The following ARMC6 variants were observed in gnomAD, a reference collection of about 807,000 sequenced individuals.
The protein encoded by ARMC6 is armadillo repeat containing 6, also known as armadillo repeat-containing protein 6.
Under a neutral mutation model 49.2 loss-of-function variants are expected in ARMC6, and 43 were observed. The observed-to-expected ratio is 0.87, with a 90% CI of 0.69 to 1.13. The LOEUF (loss-of-function observed/expected upper bound fraction) is 1.13, where lower values mean the gene tolerates loss of function less well. Among genes scored for constraint, ARMC6 ranks in the 50% most tolerant of loss-of-function variants. ARMC6 has a pLI of 0.00. For missense variants in ARMC6, 627 were observed against 682.0 expected, an observed-to-expected ratio of 0.92 and a Z score of 0.90; for synonymous variants, 262 against 289.6, an observed-to-expected ratio of 0.90 and a Z score of 0.97.
At chr19:19,050,546 A>G (rs1250517972) in intron 4 of ARMC6, among the ~76,000 whole-genome samples, 2 of 152,148 alleles carry the variant, frequency 1.3e-5, no homozygotes, top group African/African-American at 4.8e-5. Flanking sequence ...ATTTTTCCTA[A>G]TGATTAGTGA....
At chr19:19,040,317 G>A (rs1160606382) in intron 2 of ARMC6, among the ~76,000 whole-genome samples, 2 of 152,112 alleles carry the variant, frequency 1.3e-5, no homozygotes, top group African/African-American at 4.8e-5. Flanking sequence ...ATCATTATCT[G>A]TTTCTCTCCT....
At position 19,042,709 on chromosome 19, in the gene ARMC6, A is replaced by C; in HGVS notation, c.30-2A>C. 2 of 1,612,514 alleles carry C rather than the reference A, an allele frequency of 1.2e-6. No individual in the cohort carries two copies. Among genetic ancestry groups the C allele is most frequent in the Non-Finnish European group, 1.7e-6 (2 of 1,179,992 alleles). ...AGCTCTCTCTTTGCCCTAACCTCTCAGCTCAGGAGCATCTATCGGCTGCAC... is the reference window on the plus strand; with the variant it reads ...AGCTCTCTCTTTGCCCTAACCTCTCCGCTCAGGAGCATCTATCGGCTGCAC... On this transcript the variant is annotated splice_acceptor_variant, in intron 2 of 8. Transcript: ENST00000535612. LOFTEE classifies it high-confidence loss of function.
At chr19:19,050,934 A>G (rs980037336) in intron 4 of ARMC6, among the ~76,000 whole-genome samples, 1 of 152,246 alleles carries the variant, frequency 6.6e-6, no homozygotes, top group Non-Finnish European at 1.5e-5. Flanking sequence ...GAGGTCATGT[A>G]GTTGAATGGC....
intron 5 of ARMC6, among the ~76,000 whole-genome samples, chr19:19,053,514 A>G (rs577157908): frequency 3.9e-5 from 6 of 152,190 alleles, no homozygotes; most frequent in African/African-American, 1.2e-4. Context: ...TAATAATAAT[A>G]ATAGATAGCT....
intron 5 of ARMC6, among the ~76,000 whole-genome samples, chr19:19,053,924 TG>T (rs1455161181): frequency 6.6e-6 from 1 of 151,844 alleles, no homozygotes; most frequent in East Asian, 1.9e-4. Context: ...TGGGGCATGA[TG>T]GAAGGAAGCG....
intron 2 of ARMC6, among the ~76,000 whole-genome samples, chr19:19,038,726 C>T (rs1044446590): frequency 6.6e-6 from 1 of 151,846 alleles, no homozygotes; most frequent in African/African-American, 2.4e-5. Flanking sequence ...TACAGGCGCC[C>T]CACTAATTTT....
chr19:19,039,578 A>G (rs1053236679), intron 2 of ARMC6, among the ~76,000 whole-genome samples: 2 of 152,136 alleles, frequency 1.3e-5, no homozygotes, highest in East Asian at 1.9e-4. Flanking sequence ...GGCAACACCC[A>G]GTCTGCTTTT....
chr19:19,044,019 C>G lies in ARMC6; in HGVS notation c.224C>G (p.Thr75Arg), dbSNP rs768188157. Reference sequence around the variant, plus strand: ...GTTGATCTGAGCAACATTGTAAAGACGGCACCTAAAGTCTCTGCAGACGGA... The same window carrying G: ...GTTGATCTGAGCAACATTGTAAAGAGGGCACCTAAAGTCTCTGCAGACGGA... ...QGVDLSNIVK[T>R]APKVSADGSQ... The change falls in exon 4 of 9, where the codon ACG becomes AGG. Residue 75 changes from threonine (T) to arginine (R), a missense_variant. Coordinates refer to ENST00000535612, the MANE Select transcript of ARMC6 (RefSeq NM_001199196.2). The G allele has an allele frequency of 6.2e-7, 1 of 1,614,138 alleles. No homozygotes were observed. Among genetic ancestry groups the G allele is most frequent in the Admixed American group, 1.7e-5 (1 of 60,024 alleles).
chr19:19,056,263 G>GGT (rs2059543702), intron 8 of ARMC6, among the ~76,000 whole-genome samples: 1 of 134,574 alleles, frequency 7.4e-6, no homozygotes, highest in Non-Finnish European at 1.6e-5. Context: ...CCTTCTGTGG[G>GGT]TTTTTTTTTT....
chr19:19,034,395 G>A (rs1244872467), intron 2 of ARMC6, among the ~76,000 whole-genome samples, 157 bp downstream of exon 2: 1 of 152,146 alleles, frequency 6.6e-6, no homozygotes, highest in African/African-American at 2.4e-5. Flanking sequence ...GTGCGGATAA[G>A]GAGGCTGGGT....
intron 5 of ARMC6, among the ~76,000 whole-genome samples, chr19:19,053,018 G>A (rs1423332904): frequency 6.6e-6 from 1 of 152,220 alleles, no homozygotes; most frequent in Non-Finnish European, 1.5e-5. Flanking sequence ...ATGTATATAT[G>A]AAGAGACTTT....
chr19:19,034,249 G>A lies in ARMC6; in HGVS notation c.29+11G>A. On this transcript the variant is annotated intron_variant, in intron 2 of 8. Coordinates refer to ENST00000535612, the MANE Select transcript of ARMC6 (RefSeq NM_001199196.2). ...TTGCTCTAGATACAGGTAATGGTGT[G>A]CAAATAATAACAGAGTGATGGGACG... 6.3e-7 allele frequency: 1 copy of A among 1,593,640 alleles called. No individual in the cohort carries two copies. The highest frequency in any genetic ancestry group is 2.2e-5 in the East Asian group (1 of 44,810).
Position 19,055,191 on chromosome 19 carries a change from C to G in ARMC6, c.1024-74C>G. On this transcript the variant is annotated intron_variant, in intron 6 of 8. Coordinates refer to ENST00000535612, the MANE Select transcript of ARMC6 (RefSeq NM_001199196.2). This position sits in a 1 kb window ranked among gnomAD's most constrained non-coding sequence, Gnocchi z 5.7. ...CTGTTGGTCAAACAGCAAAACAGCC[C>G]CACATTCTCCCTCAGAGCCCTCTCC... 6.7e-7 allele frequency: 1 copy of G among 1,501,662 alleles called. No individual in the cohort carries two copies. Among genetic ancestry groups the G allele is most frequent in the Non-Finnish European group, 8.9e-7 (1 of 1,127,776 alleles). 93.0% of individuals were successfully genotyped at this position (1,501,662 alleles called of 1,614,324 possible).
At chr19:19,035,850 T>G (rs1447625274) in intron 2 of ARMC6, among the ~76,000 whole-genome samples, 2 of 152,140 alleles carry the variant, frequency 1.3e-5, no homozygotes, top group Non-Finnish European at 2.9e-5. Flanking sequence ...CCCAAGGTGG[T>G]TGGGGCACAG....
rs539294339 is a variant in ARMC6, at chr19:19,037,196, A to C, written c.29+2958A>C. Among the ~76,000 whole-genome samples, 4 of 151,686 alleles carry C rather than the reference A, an allele frequency of 2.6e-5. No individual in the cohort carries two copies. The East Asian group carries it at 7.7e-4, about 29-fold the overall frequency. On this transcript the variant is annotated intron_variant, in intron 2 of 8. Transcript: ENST00000535612. ...CGAGACTCTGTCTCAAAAAAAAAAG[A>C]AAAGGGCATTGAAGTGGAGGGCATG...
At position 19,037,893 on chromosome 19, in the gene ARMC6, A is replaced by G. The variant is rs561937536; in HGVS notation, c.29+3655A>G. On this transcript the variant is annotated intron_variant, in intron 2 of 8. Transcript: ENST00000535612. ...TCCCCAATTCCTGGGTCACAGACCC[A>G]TACTGGTCCAGTGGTCCCTGGCCTG... Among the ~76,000 whole-genome samples the G allele has an allele frequency of 7.9e-5, 12 of 152,312 alleles. No homozygotes were observed. The South Asian group carries it at 1.4e-3, about 18-fold the overall frequency.
rs1599654322 is a variant in ARMC6, at chr19:19,057,926, A to G, written c.*298A>G. ...CCAGAGGGGGCAAAGGGCACGTCCC[A>G]TCACTCACTGCCCTGTCTGAAATGT... On this transcript the variant is annotated 3_prime_UTR_variant, in exon 9 of 9. Transcript: ENST00000535612. 8.1e-6 allele frequency: 4 copies of G among 492,442 alleles called. No individual in the cohort carries two copies. Among genetic ancestry groups the G allele is most frequent in the Admixed American group, 6.3e-5 (2 of 31,566 alleles). 30.5% of individuals were successfully genotyped at this position (492,442 alleles called of 1,614,324 possible). A position where few individuals can be genotyped will look rare whatever the true frequency, so the allele number is the denominator to read the frequency against.
chr19:19,054,031 C>G (rs568968897), intron 5 of ARMC6, 121 bp from the exon 6 acceptor site: 6 of 1,007,838 alleles, frequency 6.0e-6, no homozygotes, highest in East Asian at 3.1e-5. Context: ...TCCTGGTGCC[C>G]GTGGCCACTC....
chr19:19,040,244 T>A (rs1302887317), intron 2 of ARMC6, among the ~76,000 whole-genome samples: 1 of 152,142 alleles, frequency 6.6e-6, no homozygotes. Context: ...GTAGACTGAG[T>A]TCCTGTCTAC....
Sources: gnomAD v4.1 joint callset for allele counts (sites outside exome capture counted in the v4.1 genomes callset) on GRCh38, gnomAD v4.1.1 for gene constraint, Gnocchi (gnomAD v3.1) non-coding constraint, MANE v1.5 for transcripts, NCBI Gene and HGNC (gene_info 2026-07-23, HGNC 2026-07-21) for gene names.